Variants in GPR158 observed in about 807,000 individuals in gnomAD.
GPR158 encodes the protein G protein-coupled receptor 158.
GPR158 carries 30 observed loss-of-function variants against 78.2 expected under a neutral mutation model. The ratio of observed to expected loss-of-function variants is 0.38; its 90% CI spans 0.29 to 0.52. The LOEUF (loss-of-function observed/expected upper bound fraction) is 0.52, where lower values mean the gene tolerates loss of function less well. Ranked by LOEUF, GPR158 falls within the 20% of genes least tolerant of loss-of-function variation. The pLI, the probability that GPR158 is intolerant of heterozygous loss-of-function variation, is 0.83. For synonymous variants in GPR158, 581 were observed against 591.1 expected, an observed-to-expected ratio of 0.98 and a Z score of 0.25; for missense variants, 1,463 against 1,523.5, an observed-to-expected ratio of 0.96 and a Z score of 0.66.
At chr10:25,261,004 C>G (rs921647113) in intron 2 of GPR158, among the ~76,000 whole-genome samples, 3 of 152,082 alleles carry the variant, frequency 2.0e-5, no homozygotes, top group African/African-American at 7.2e-5. Flanking sequence ...CCAGTATTTC[C>G]CATTTGACTT....
At chr10:25,313,388 TAAAGTA>T (rs1167326015) in intron 2 of GPR158, among the ~76,000 whole-genome samples, 6 of 151,844 alleles carry the variant, frequency 4.0e-5, no homozygotes, top group Non-Finnish European at 7.4e-5. Flanking sequence ...CCCTAAAACT[TAAAGTA>T]TAATAATAAA....
At chr10:25,180,840 G>A (rs1031450318) in intron 1 of GPR158, among the ~76,000 whole-genome samples, 9 of 150,488 alleles carry the variant, frequency 6.0e-5, no homozygotes, top group Admixed American at 4.0e-4. Context: ...GAAACCAAGT[G>A]AATGTTAGAC....
At chr10:25,517,725 C>T (rs1836200870) in intron 5 of GPR158, among the ~76,000 whole-genome samples, 1 of 151,248 alleles carries the variant, frequency 6.6e-6, no homozygotes, top group African/African-American at 2.4e-5. Context: ...ATGAAGCCCA[C>T]TTGATCATGG....
chr10:25,520,884 G>T (rs546559089), intron 5 of GPR158, among the ~76,000 whole-genome samples: 63 of 152,356 alleles, frequency 4.1e-4, no homozygotes, highest in South Asian at 2.1e-3. Flanking sequence ...GAGCTGTGGT[G>T]GGCTCCGCCC....
intron 1 of GPR158, among the ~76,000 whole-genome samples, chr10:25,212,380 C>A (rs1473776402): frequency 6.6e-6 from 1 of 152,122 alleles, no homozygotes; most frequent in South Asian, 2.1e-4. Context: ...AGAACATACT[C>A]ACCATCACAA....
chr10:25,478,330 A>G (rs1835616586), intron 5 of GPR158, among the ~76,000 whole-genome samples: 1 of 152,196 alleles, frequency 6.6e-6, no homozygotes, highest in Non-Finnish European at 1.5e-5. Context: ...GTGAAATATA[A>G]TAATCTCTCG....
intron 5 of GPR158, among the ~76,000 whole-genome samples, chr10:25,471,030 A>G (rs702977): frequency 0.36 from 54,584 of 151,616 alleles, 12,061 homozygotes; most frequent in Middle Eastern, 0.59. Context: ...ACATATGTAT[A>G]CATGTGCCAT....
intron 2 of GPR158, among the ~76,000 whole-genome samples, chr10:25,365,205 G>C (rs577448341): frequency 6.6e-6 from 1 of 151,166 alleles, no homozygotes; most frequent in Non-Finnish European, 1.5e-5. Flanking sequence ...TGAAAAGATA[G>C]CAATTACATC....
In GPR158 at chr10:25,307,939, A is replaced by G. The variant is rs139423921; in HGVS notation, c.1008+86782A>G. ...AAAGTGAGATTACTTATCAAAACAC[A>G]TATTTTTTCTTACATATTGTCAGAT... On this transcript the variant is annotated intron_variant, in intron 2 of 10. Coordinates refer to ENST00000376351, the MANE Select transcript of GPR158 (RefSeq NM_020752.3). 1.5e-3 allele frequency among the ~76,000 whole-genome samples: 225 copies of G among 152,282 alleles called. 1 individual carries two copies. The highest frequency in any genetic ancestry group is 5.4e-3 in the African/African-American group (224 of 41,554).
At chr10:25,300,551 G>T (rs72794263) in intron 2 of GPR158, among the ~76,000 whole-genome samples, 4,619 of 147,528 alleles carry the variant, frequency 0.031, 95 homozygotes, top group Non-Finnish European at 0.047. Flanking sequence ...TTGGAAGGTT[G>T]GGACATTATT....
intron 2 of GPR158, among the ~76,000 whole-genome samples, chr10:25,309,742 T>A (rs968498527): frequency 6.6e-6 from 1 of 151,382 alleles, no homozygotes; most frequent in Admixed American, 6.6e-5. Flanking sequence ...ATAAGTCTCA[T>A]GAGATCTGAT....
intron 2 of GPR158, among the ~76,000 whole-genome samples, chr10:25,323,379 C>T (rs373958162): frequency 3.9e-5 from 6 of 152,278 alleles, no homozygotes; most frequent in African/African-American, 1.4e-4. Flanking sequence ...CTCACTCAGC[C>T]TGCCCTTGGA....
At chr10:25,524,725 A>C (rs954589471) in intron 5 of GPR158, among the ~76,000 whole-genome samples, 5 of 152,220 alleles carry the variant, frequency 3.3e-5, no homozygotes, top group African/African-American at 1.2e-4. Flanking sequence ...CCTTGGGGTA[A>C]GCAATGGTTT....
chr10:25,220,306 A>G lies in GPR158; in HGVS notation c.903-746A>G, dbSNP rs539118110. ...TGAAAAATAGAAAGGAGGGAATCTTAGGAAAACAGAGAGAGAAAGTTGGCT... is the reference window on the plus strand; with the variant it reads ...TGAAAAATAGAAAGGAGGGAATCTTGGGAAAACAGAGAGAGAAAGTTGGCT... On this transcript the variant is annotated intron_variant, in intron 1 of 10. Coordinates refer to ENST00000376351, the MANE Select transcript of GPR158 (RefSeq NM_020752.3). 7.2e-5 allele frequency among the ~76,000 whole-genome samples: 11 copies of G among 152,326 alleles called. No individual in the cohort carries two copies. The South Asian group carries it at 2.3e-3, about 32-fold the overall frequency.
At chr10:25,211,694 G>C (rs1315019143) in intron 1 of GPR158, among the ~76,000 whole-genome samples, 1 of 141,306 alleles carries the variant, frequency 7.1e-6, no homozygotes, top group African/African-American at 3.0e-5. Context: ...CTGATACCCT[G>C]TCACAAATAT....
chr10:25,362,837 C>T (rs1380226273), intron 2 of GPR158, among the ~76,000 whole-genome samples: 2 of 151,876 alleles, frequency 1.3e-5, no homozygotes, highest in African/African-American at 4.8e-5. Flanking sequence ...AGATCGACCT[C>T]ATCCTTGTTA....
At chr10:25,383,075 T>G (rs898895716) in intron 2 of GPR158, among the ~76,000 whole-genome samples, 2 of 152,144 alleles carry the variant, frequency 1.3e-5, no homozygotes, top group Non-Finnish European at 2.9e-5. Flanking sequence ...GACCTGACGA[T>G]CCACCTGCCT....
chr10:25,457,585 C>A (rs145175178), intron 4 of GPR158, among the ~76,000 whole-genome samples: 2 of 151,926 alleles, frequency 1.3e-5, no homozygotes, highest in African/African-American at 4.8e-5. Flanking sequence ...GTGAAGCCAT[C>A]GGAAAAATGA....
chr10:25,578,526 C>G (rs1039425483), intron 7 of GPR158, among the ~76,000 whole-genome samples: 12 of 152,140 alleles, frequency 7.9e-5, no homozygotes, highest in African/African-American at 2.9e-4. Context: ...TGGATAATTG[C>G]TGGCCATTTT....
Sources: allele counts gnomAD v4.1 joint callset (sites outside exome capture counted in the v4.1 genomes callset), GRCh38; gene constraint gnomAD v4.1.1; transcripts MANE v1.5; gene names NCBI Gene and HGNC (gene_info 2026-07-23, HGNC 2026-07-21).